Variants in TNFSF8 observed in about 807,000 individuals in gnomAD.
TNFSF8 encodes tumor necrosis factor ligand superfamily member 8.
Under a neutral mutation model 22.0 loss-of-function variants are expected in TNFSF8, and 4 were observed. The ratio of observed to expected loss-of-function variants is 0.18; its 90% CI spans 0.09 to 0.42. The LOEUF is 0.42. Among genes scored for constraint, TNFSF8 ranks in the 10% least tolerant of loss-of-function variants. TNFSF8 has a pLI of 1.00. For synonymous variants in TNFSF8, 106 were observed against 112.5 expected, an observed-to-expected ratio of 0.94 and a Z score of 0.37; for missense variants, 233 against 281.8, an observed-to-expected ratio of 0.83 and a Z score of 1.24.
intron 2 of TNFSF8, among the ~76,000 whole-genome samples, chr9:114,913,682 C>A (rs1827880048): frequency 6.6e-6 from 1 of 152,176 alleles, no homozygotes; most frequent in East Asian, 1.9e-4. Context: ...GGTGGATACG[C>A]TGGATTTGAG....
At chr9:114,913,668 G>A (rs1827879571) in intron 2 of TNFSF8, among the ~76,000 whole-genome samples, 1 of 152,174 alleles carries the variant, frequency 6.6e-6, no homozygotes, top group Non-Finnish European at 1.5e-5. Context: ...CACAAGGGCT[G>A]CAAGGTGGAT....
rs1204322970 is a variant in TNFSF8 at position 114,930,091 on chromosome 9, G to A, written c.195+18C>T. On this transcript the variant is annotated intron_variant, in intron 1 of 3. Coordinates refer to ENST00000223795, the MANE Select transcript of TNFSF8 (RefSeq NM_001244.4). The stretch of plus-strand genomic sequence containing the variant: ...AAAACAACAAGAAAAGGAAAGGGAG[G>A]AAGAGGAGTCCACTTACCGTCCTCT... 6.9e-7 allele frequency: 1 copy of A among 1,442,918 alleles called. No homozygotes were observed. Among genetic ancestry groups the A allele is most frequent in the Non-Finnish European group, 9.2e-7 (1 of 1,088,278 alleles). 89.4% of individuals were successfully genotyped at this position (1,442,918 alleles called of 1,614,324 possible). A position where few individuals can be genotyped will look rare whatever the true frequency, so the allele number is the denominator to read the frequency against.
intron 1 of TNFSF8, among the ~76,000 whole-genome samples, chr9:114,926,130 GT>G: frequency 6.6e-6 from 1 of 152,286 alleles, no homozygotes; most frequent in African/African-American, 2.4e-5. Context: ...CCATATTGAT[GT>G]AAAGAAGTGT....
At chr9:114,928,964 G>T (rs146653082) in intron 1 of TNFSF8, among the ~76,000 whole-genome samples, 7 of 152,234 alleles carry the variant, frequency 4.6e-5, no homozygotes, top group Admixed American at 1.3e-4. Flanking sequence ...AAATTCAGCA[G>T]GATTATAATA....
chr9:114,913,896 C>T (rs1379928409), intron 2 of TNFSF8, among the ~76,000 whole-genome samples: 1 of 152,190 alleles, frequency 6.6e-6, no homozygotes, highest in Non-Finnish European at 1.5e-5. Flanking sequence ...TCTGCCGTGG[C>T]CTCATACGGA....
intron 1 of TNFSF8, among the ~76,000 whole-genome samples, chr9:114,929,681 C>G (rs2131352860): frequency 6.6e-6 from 1 of 152,042 alleles, no homozygotes; most frequent in East Asian, 1.9e-4. Flanking sequence ...TCAGGTTTCT[C>G]TATTGCTTCC....
intron 1 of TNFSF8, among the ~76,000 whole-genome samples, chr9:114,923,524 T>TTCTTTCTTTC (rs796199156): frequency 7.2e-5 from 10 of 139,112 alleles, no homozygotes; most frequent in African/African-American, 1.3e-4. Context: ...CTTTCTTTCT[T>TTCTTTCTTTC]TTTTTTTTTT....
intron 3 of TNFSF8, 70 bp from the exon 4 acceptor site, chr9:114,904,395 T>C: frequency 6.6e-7 from 1 of 1,522,580 alleles, no homozygotes; most frequent in East Asian, 2.3e-5. Flanking sequence ...ATTCTAAGTC[T>C]TTGTTCAAAG....
chr9:114,911,457 C>G (rs578218651), intron 2 of TNFSF8, among the ~76,000 whole-genome samples: 15 of 152,286 alleles, frequency 9.8e-5, no homozygotes, highest in Middle Eastern at 3.4e-3. Flanking sequence ...TTAACCTGAG[C>G]AAGGGTCATT....
chr9:114,908,568 C>T (rs1220002931), intron 2 of TNFSF8, among the ~76,000 whole-genome samples: 1 of 152,026 alleles, frequency 6.6e-6, no homozygotes, highest in Non-Finnish European at 1.5e-5. Context: ...AGGCTTGCCT[C>T]TCACACGTTC....
At chr9:114,895,072 G>A (rs902501180) in intron 4 of TNFSF8, among the ~76,000 whole-genome samples, 1 of 152,214 alleles carries the variant, frequency 6.6e-6, no homozygotes, top group Non-Finnish European at 1.5e-5. Context: ...AGGAAATGAT[G>A]AAATACTTCA....
chr9:114,908,089 C>T (rs1827806426), intron 2 of TNFSF8, among the ~76,000 whole-genome samples: 1 of 152,202 alleles, frequency 6.6e-6, no homozygotes. Flanking sequence ...GCAAGTTTTT[C>T]CTTGTTTGAA....
At chr9:114,920,823 C>T (rs913575057) in intron 1 of TNFSF8, among the ~76,000 whole-genome samples, 1 of 152,130 alleles carries the variant, frequency 6.6e-6, no homozygotes, top group African/African-American at 2.4e-5. Flanking sequence ...GGCCCACCAC[C>T]ACCCCCGGCT....
At chr9:114,919,627 A>G (rs1209187277) in intron 1 of TNFSF8, among the ~76,000 whole-genome samples, 3 of 152,212 alleles carry the variant, frequency 2.0e-5, no homozygotes, top group Non-Finnish European at 4.4e-5. Flanking sequence ...TTGAATTAAA[A>G]TATTAGTAAA....
intron 1 of TNFSF8, among the ~76,000 whole-genome samples, chr9:114,922,001 C>T (rs1038426206): frequency 6.6e-6 from 1 of 152,226 alleles, no homozygotes; most frequent in Non-Finnish European, 1.5e-5. Flanking sequence ...CCATCCCAAC[C>T]ATCTTCCTTG....
intron 1 of TNFSF8, among the ~76,000 whole-genome samples, chr9:114,929,788 G>A (rs1211075330): frequency 6.6e-6 from 1 of 151,432 alleles, no homozygotes; most frequent in Non-Finnish European, 1.5e-5. Context: ...GATCTGCAAA[G>A]TTTTAAGATG....
rs563881303 is a variant in TNFSF8, at chr9:114,903,733, A to G, written c.*198T>C. On this transcript the variant is annotated 3_prime_UTR_variant, in exon 4 of 4. Transcript: ENST00000223795. ...ACACTACATTGCTTCCCTGCCTGCT[A>G]TCTGAAAGATACTTCACTAAAAACT... 2 of 1,333,014 alleles carry G rather than the reference A, an allele frequency of 1.5e-6. No homozygotes were observed. Among genetic ancestry groups the G allele is most frequent in the South Asian group, 2.1e-5 (1 of 48,328 alleles). 82.6% of individuals were successfully genotyped at this position (1,333,014 alleles called of 1,614,324 possible).
intron 1 of TNFSF8, among the ~76,000 whole-genome samples, chr9:114,927,522 G>T (rs192553678): frequency 6.6e-6 from 1 of 152,194 alleles, no homozygotes; most frequent in Admixed American, 6.5e-5. Context: ...GTTTGAAATT[G>T]TTCACATTTC....
chr9:114,908,648 A>C (rs1240986138), intron 2 of TNFSF8, among the ~76,000 whole-genome samples: 1 of 152,054 alleles, frequency 6.6e-6, no homozygotes, highest in Admixed American at 6.6e-5. Flanking sequence ...GAGGATGGAA[A>C]AAAAAAACAC....
Sources: gnomAD v4.1 joint callset for allele counts (sites outside exome capture counted in the v4.1 genomes callset) on GRCh38, gnomAD v4.1.1 for gene constraint, MANE v1.5 for transcripts, NCBI Gene and HGNC (gene_info 2026-07-23, HGNC 2026-07-21) for gene names.